Variants in STAG2 observed in about 807,000 individuals in gnomAD.
STAG2 encodes the protein cohesin subunit SA-2.
In STAG2, 14 loss-of-function variants were observed where a neutral mutation model predicts 108.1. The ratio of observed to expected loss-of-function variants is 0.13; its 90% confidence interval spans 0.09 to 0.20. The LOEUF (loss-of-function observed/expected upper bound fraction) is 0.20. Among genes scored for constraint, STAG2 ranks in the 10% least tolerant of loss-of-function variants. STAG2 has a pLI of 1.00. For synonymous variants in STAG2, 307 were observed against 302.7 expected, an observed-to-expected ratio of 1.01 and a Z score of -0.15; for missense variants, 440 against 940.9, an observed-to-expected ratio of 0.47 and a Z score of 6.96.
rs749334963 is a variant in STAG2 at position 124,022,606 on chromosome X, T to C, written c.-22T>C. The C allele has an allele frequency of 1.4e-5, 16 of 1,157,034 alleles. No homozygotes were observed. In the Admixed American group the frequency reaches 4.1e-4, roughly 30 times the overall value. Reference sequence around the variant, plus strand: ...TATGAATATATTTCTGACATTGAGGTGTTCCAGAAGATGATAAAGAAATGA... The same window carrying C: ...TATGAATATATTTCTGACATTGAGGCGTTCCAGAAGATGATAAAGAAATGA... On this transcript the variant is annotated 5_prime_UTR_variant, in exon 3 of 35. Coordinates refer to ENST00000371145, the MANE Select transcript of STAG2 (RefSeq NM_001042750.2).
intron 6 of STAG2, among the ~76,000 whole-genome samples, chrX:124,041,330 C>T (rs1245376968): frequency 1.8e-5 from 2 of 109,135 alleles, no homozygotes; most frequent in Admixed American, 9.9e-5. Flanking sequence ...TAGTCTCAGA[C>T]AAATTATTTA....
At chrX:123,971,056 T>A (rs1036092872) in intron 1 of STAG2, among the ~76,000 whole-genome samples, 1 of 111,784 alleles carries the variant, frequency 8.9e-6, no homozygotes, top group African/African-American at 3.3e-5. Flanking sequence ...CCCTAATTAA[T>A]ACCTTCTTTT....
chrX:124,055,653 C>T (rs1368983316), intron 13 of STAG2, among the ~76,000 whole-genome samples: 2 of 102,848 alleles, frequency 1.9e-5, no homozygotes, highest in Non-Finnish European at 4.0e-5. Flanking sequence ...AAACCACTTG[C>T]ATTGCCTTAC....
intron 1 of STAG2, among the ~76,000 whole-genome samples, chrX:124,015,232 C>A (rs371198197): frequency 8.4e-5 from 9 of 106,750 alleles, no homozygotes; most frequent in African/African-American, 3.1e-4. Context: ...GTGATCCTCC[C>A]GCCTCGGCCT....
At chrX:124,044,909 C>T (rs2057831662) in intron 7 of STAG2, among the ~76,000 whole-genome samples, 1 of 110,949 alleles carries the variant, frequency 9.0e-6, no homozygotes, top group Non-Finnish European at 1.9e-5. Context: ...AAATTTTTAA[C>T]CTGAGTAATT....
At chrX:124,087,136 A>G (rs1371010661) in intron 30 of STAG2, among the ~76,000 whole-genome samples, 1 of 112,207 alleles carries the variant, frequency 8.9e-6, no homozygotes, top group Non-Finnish European at 1.9e-5. Flanking sequence ...TTATTACCCA[A>G]GAGATCAGAT....
intron 27 of STAG2, among the ~76,000 whole-genome samples, chrX:124,078,858 A>C (rs2058871321): frequency 9.2e-6 from 1 of 108,735 alleles, no homozygotes; most frequent in Middle Eastern, 4.3e-3. Flanking sequence ...AATCCCAGCC[A>C]CTTGGGAGGC....
intron 1 of STAG2, among the ~76,000 whole-genome samples, chrX:124,013,858 G>C (rs976995188): frequency 3.6e-5 from 4 of 111,366 alleles, no homozygotes; most frequent in Non-Finnish European, 7.5e-5. Flanking sequence ...TTACAATTGA[G>C]TACTGAGCAC....
chrX:124,078,417 T>G (rs1039335863), intron 27 of STAG2, among the ~76,000 whole-genome samples: 10 of 112,011 alleles, frequency 8.9e-5, no homozygotes, highest in Admixed American at 3.8e-4. Context: ...CAATGTTGTT[T>G]ATAGGAAGTA....
At chrX:124,008,661 A>T (rs746987852) in intron 1 of STAG2, among the ~76,000 whole-genome samples, 1 of 112,081 alleles carries the variant, frequency 8.9e-6, no homozygotes, top group East Asian at 2.8e-4. Context: ...CAATTAATTT[A>T]TTAATCAGGA....
In STAG2 at chrX:124,061,901, T is replaced by C. The variant is rs372758489; in HGVS notation, c.1638+27T>C. 8 of 1,016,764 alleles carry C rather than the reference T, an allele frequency of 7.9e-6. No individual in the cohort carries two copies. The African/African-American group carries it at 1.2e-4, about 15-fold the overall frequency. 83.8% of individuals were successfully genotyped at this position (1,016,764 alleles called of 1,213,427 possible). A position where few individuals can be genotyped will look rare whatever the true frequency, so the allele number is the denominator to read the frequency against. On this transcript the variant is annotated intron_variant, in intron 17 of 34. Coordinates refer to ENST00000371145, the MANE Select transcript of STAG2 (RefSeq NM_001042750.2). ...TATGCCAATCAATGTCTTTTCAATA[T>C]TCTAAACTCCATTTCTCCTTTTTCA...
Position 124,094,014 on chromosome X carries a change from C to G in STAG2, c.3579-4C>G, listed in dbSNP as rs750698753. ...GATCTTGACTTTGTTTTATATTTCT[C>G]TAGTCGGCGTGGCACAAGCCTAATG... On this transcript the variant is annotated splice_region_variant and splice_polypyrimidine_tract_variant and intron_variant, in intron 32 of 34. Coordinates refer to ENST00000371145, the MANE Select transcript of STAG2 (RefSeq NM_001042750.2). 1.7e-6 allele frequency: 2 copies of G among 1,208,203 alleles called. No homozygotes were observed. The highest frequency in any genetic ancestry group is 2.2e-5 in the Admixed American group (1 of 45,434).
intron 1 of STAG2, among the ~76,000 whole-genome samples, chrX:123,999,585 C>T (rs919956753): frequency 9.0e-6 from 1 of 110,967 alleles, no homozygotes; most frequent in Non-Finnish European, 1.9e-5. Context: ...GCTGGGACTA[C>T]GGGTGTGTGT....
At chrX:124,062,655 T>TA (rs2058415718) in intron 17 of STAG2, among the ~76,000 whole-genome samples, 1 of 111,974 alleles carries the variant, frequency 8.9e-6, no homozygotes, top group Admixed American at 9.5e-5. Flanking sequence ...TGGTTAGTCT[T>TA]ATTGGATATT....
rs201656151 is a variant in STAG2, at chrX:123,974,236, CT to C, written c.-163+12394del. Among the ~76,000 whole-genome samples, 288 of 98,654 alleles carry C rather than the reference CT, an allele frequency of 2.9e-3. 1 individual carries two copies. Among genetic ancestry groups the C allele is most frequent in the African/African-American group, 7.5e-3 (207 of 27,606 alleles). The allele number at this position is 98,654 out of a possible 115,157, so 85.7% of individuals were successfully genotyped here. A position where few individuals can be genotyped will look rare whatever the true frequency, so the allele number is the denominator to read the frequency against. ...ATGATCATCTTTTCTTTTCTTTTTT[CT>C]TTTTTTTTTTTTTGAGACGGAGCCT... On this transcript the variant is annotated intron_variant, in intron 1 of 34. Coordinates refer to ENST00000371145, the MANE Select transcript of STAG2 (RefSeq NM_001042750.2).
At chrX:123,988,936 T>C (rs1602703992) in intron 1 of STAG2, among the ~76,000 whole-genome samples, 1 of 111,675 alleles carries the variant, frequency 9.0e-6, no homozygotes, top group South Asian at 3.8e-4. Flanking sequence ...TCTGTCTATC[T>C]GTGTGTGTCT....
At chrX:124,080,803 A>G (rs1485441288) in intron 27 of STAG2, among the ~76,000 whole-genome samples, 3 of 112,264 alleles carry the variant, frequency 2.7e-5, no homozygotes, top group Admixed American at 9.4e-5. Context: ...TTTGACGACT[A>G]TATAATATTC....
intron 34 of STAG2, among the ~76,000 whole-genome samples, chrX:124,098,938 C>T (rs1028733644): frequency 1.8e-5 from 2 of 111,547 alleles, no homozygotes; most frequent in Non-Finnish European, 3.8e-5. Context: ...CAGTTGTTTT[C>T]TGCCAGAATT....
At chrX:124,088,705 C>T (rs1014021388) in intron 30 of STAG2, among the ~76,000 whole-genome samples, 6 of 106,374 alleles carry the variant, frequency 5.6e-5, no homozygotes, top group African/African-American at 2.1e-4. Context: ...ACCTCCCCCT[C>T]CCTTGTTCAA....
Sources: allele counts gnomAD v4.1 joint callset (sites outside exome capture counted in the v4.1 genomes callset), GRCh38; gene constraint gnomAD v4.1.1; transcripts MANE v1.5; gene names NCBI Gene and HGNC (gene_info 2026-07-23, HGNC 2026-07-21).